Variants in RPS6KA6 observed in about 807,000 individuals in gnomAD.
The protein encoded by RPS6KA6 is ribosomal protein S6 kinase A6.
Under a neutral mutation model 65.4 loss-of-function variants are expected in RPS6KA6, and 27 were observed. The ratio of observed to expected loss-of-function variants is 0.41; its 90% confidence interval spans 0.30 to 0.57. RPS6KA6 has a LOEUF of 0.57. Among genes scored for constraint, RPS6KA6 ranks in the 20% least tolerant of loss-of-function variants. The probability of loss-of-function intolerance (pLI) is 0.24; values close to 1 mark genes in which losing one functional copy is unlikely to be tolerated. For synonymous variants in RPS6KA6, 190 were observed against 184.2 expected (o/e 1.03, Z -0.26); for missense variants, 486 against 555.6 (o/e 0.87, Z 1.26).
rs557695198 is a variant in RPS6KA6 at position 84,135,387 on chromosome X, T to A, written c.502-177A>T. On this transcript the variant is annotated intron_variant, in intron 6 of 21. Transcript: ENST00000262752. Reference sequence around the variant, plus strand: ...CAATACCAGAGAAATAAGATTTCTATATAAATGAAACTAAACTCTTTAAGA... The same window carrying A: ...CAATACCAGAGAAATAAGATTTCTAAATAAATGAAACTAAACTCTTTAAGA... Among the ~76,000 whole-genome samples, 14 of 111,652 alleles carry A rather than the reference T, an allele frequency of 1.3e-4. No individual in the cohort carries two copies. In the South Asian group the frequency reaches 1.9e-3, roughly 15 times the overall value.
chrX:84,073,373 A>G (rs1427522898), intron 20 of RPS6KA6, among the ~76,000 whole-genome samples: 1 of 112,173 alleles, frequency 8.9e-6, no homozygotes, highest in African/African-American at 3.2e-5. Context: ...TATAAAAATC[A>G]ACACAAAATG....
intron 6 of RPS6KA6, among the ~76,000 whole-genome samples, chrX:84,140,993 C>T (rs1285931026): frequency 9.1e-6 from 1 of 109,874 alleles, no homozygotes; most frequent in African/African-American, 3.3e-5. Flanking sequence ...TAAATACTTC[C>T]CTAGTCCCAC....
At chrX:84,155,296 C>G (rs2035397041) in intron 3 of RPS6KA6, among the ~76,000 whole-genome samples, 1 of 111,605 alleles carries the variant, frequency 9.0e-6, no homozygotes, top group Non-Finnish European at 1.9e-5. Context: ...CCCTTTAAAA[C>G]TAAATCTCAG....
At chrX:84,158,283 CATA>C (rs2035449789) in intron 2 of RPS6KA6, among the ~76,000 whole-genome samples, 1 of 110,833 alleles carries the variant, frequency 9.0e-6, no homozygotes, top group African/African-American at 3.3e-5. Flanking sequence ...GCTTAACAAT[CATA>C]ATAATTTTAC....
At chrX:84,094,308 GA>G (rs144397619) in intron 20 of RPS6KA6, among the ~76,000 whole-genome samples, 1,000 of 68,394 alleles carry the variant, frequency 0.015, 7 homozygotes, top group Middle Eastern at 0.04. Context: ...GCCTTAAAGG[GA>G]AAAAAAAAAA....
intron 20 of RPS6KA6, among the ~76,000 whole-genome samples, chrX:84,073,619 A>T (rs1294260840): frequency 8.9e-6 from 1 of 111,870 alleles, no homozygotes; most frequent in Non-Finnish European, 1.9e-5. Context: ...ATATTTGCAA[A>T]GTACATATCT....
chrX:84,129,421 T>A (rs1388852775), intron 8 of RPS6KA6, among the ~76,000 whole-genome samples: 1 of 111,332 alleles, frequency 9.0e-6, no homozygotes, highest in Non-Finnish European at 1.9e-5. Flanking sequence ...ACAACCACTA[T>A]GGAGAACAGT....
At chrX:84,164,248 T>C (rs1281514674) in intron 2 of RPS6KA6, 80 bp downstream of exon 2, 2 of 725,380 alleles carry the variant, frequency 2.8e-6, no homozygotes, top group Admixed American at 5.3e-5. Flanking sequence ...ATTTGTTTGA[T>C]AGGAGCTTTT....
chrX:84,104,901 T>C (rs1391715030), intron 16 of RPS6KA6, among the ~76,000 whole-genome samples: 2 of 110,539 alleles, frequency 1.8e-5, no homozygotes, highest in Non-Finnish European at 3.8e-5. Context: ...TTTGAAGTTA[T>C]AGGTTGCAGT....
chrX:84,120,530 T>G (rs2034651326), intron 8 of RPS6KA6, among the ~76,000 whole-genome samples: 1 of 111,461 alleles, frequency 9.0e-6, no homozygotes, highest in African/African-American at 3.3e-5. Context: ...ATTTAAAAAG[T>G]ACCATTTATA....
At chrX:84,072,747 C>T (rs1415945255) in intron 20 of RPS6KA6, among the ~76,000 whole-genome samples, 1 of 111,199 alleles carries the variant, frequency 9.0e-6, no homozygotes, top group Non-Finnish European at 1.9e-5. Context: ...TTCTATATGA[C>T]AAGAGTGAAC....
At chrX:84,091,592 G>A (rs1341290564) in intron 20 of RPS6KA6, among the ~76,000 whole-genome samples, 1 of 111,924 alleles carries the variant, frequency 8.9e-6, no homozygotes, top group Non-Finnish European at 1.9e-5. Context: ...CACTGTTGAT[G>A]GGAACATAAA....
chrX:84,151,406 C>T (rs1276600086), intron 3 of RPS6KA6, among the ~76,000 whole-genome samples: 1 of 109,756 alleles, frequency 9.1e-6, no homozygotes, highest in African/African-American at 3.3e-5. Flanking sequence ...GGCAAATATA[C>T]ATTTGCCTAA....
chrX:84,064,277 T>G lies in RPS6KA6; in HGVS notation c.2238A>C (p.Ter746TyrextTer6). 1 of 1,208,090 alleles carries G rather than the reference T, an allele frequency of 8.3e-7. No homozygotes were observed. Among genetic ancestry groups the G allele is most frequent in the South Asian group, 1.8e-5 (1 of 56,153 alleles). ...SMKKRTSTGL[*>Y] ...GTTTGGCCTAGGAACACCACAAATCTTACAGGCCAGTTGATGTTCGCTTTT... is the reference window on the plus strand; with the variant it reads ...GTTTGGCCTAGGAACACCACAAATCGTACAGGCCAGTTGATGTTCGCTTTT... The change falls in exon 22 of 22, where the codon TAA (stop) becomes TAC (tyrosine). Residue 746 changes from the stop codon to tyrosine, a stop_lost. Coordinates refer to ENST00000262752, the MANE Select transcript of RPS6KA6 (RefSeq NM_014496.5).
At chrX:84,076,145 C>T (rs1204451523) in intron 20 of RPS6KA6, among the ~76,000 whole-genome samples, 2 of 112,094 alleles carry the variant, frequency 1.8e-5, no homozygotes, top group Admixed American at 9.5e-5. Context: ...TAGCCATATA[C>T]CTTTTTAAGA....
chrX:84,090,005 T>C (rs2034011100), intron 20 of RPS6KA6, among the ~76,000 whole-genome samples: 1 of 112,187 alleles, frequency 8.9e-6, no homozygotes, highest in Non-Finnish European at 1.9e-5. Context: ...TATAGGAGCA[T>C]AGCAATTTTC....
At chrX:84,186,235 C>A in intron 1 of RPS6KA6, 1 of 416,859 alleles carries the variant, frequency 2.4e-6, no homozygotes, top group Non-Finnish European at 4.2e-6. Context: ...TCAAAGTTAA[C>A]AGAAATAATA....
chrX:84,092,038 G>T (rs2034057466), intron 20 of RPS6KA6, among the ~76,000 whole-genome samples: 1 of 110,643 alleles, frequency 9.0e-6, no homozygotes, highest in Admixed American at 9.7e-5. Context: ...GGTCCTGTTG[G>T]GGGAGGGGCA....
intron 1 of RPS6KA6, among the ~76,000 whole-genome samples, chrX:84,177,682 T>C (rs1279946965): frequency 8.9e-6 from 1 of 112,577 alleles, no homozygotes; most frequent in East Asian, 2.8e-4. Context: ...AGGCACTGAG[T>C]ATCATTAACC....
Sources: allele counts gnomAD v4.1 joint callset (sites outside exome capture counted in the v4.1 genomes callset), GRCh38; gene constraint gnomAD v4.1.1; transcripts MANE v1.5; gene names NCBI Gene and HGNC (gene_info 2026-07-23, HGNC 2026-07-21).